TDRD1: variants seen among roughly 807,000 people sequenced by gnomAD.
TDRD1 encodes the protein tudor domain-containing protein 1.
In TDRD1, 37 loss-of-function variants were observed where a neutral mutation model predicts 140.6. The observed-to-expected ratio is 0.26, with a 90% CI of 0.20 to 0.35. The LOEUF (loss-of-function observed/expected upper bound fraction) is 0.35. Among genes scored for constraint, TDRD1 ranks in the 10% least tolerant of loss-of-function variants. TDRD1 has a pLI of 1.00. For synonymous variants in TDRD1, 506 were observed against 475.7 expected (o/e 1.06, Z -0.83); for missense variants, 1,243 against 1,393.0 (o/e 0.89, Z 1.71).
chr10:114,187,796 G>T, intron 1 of TDRD1, 30 bp from the exon 2 acceptor site: 1 of 1,504,216 alleles, frequency 6.6e-7, no homozygotes, highest in East Asian at 2.3e-5. Flanking sequence ...GAAATTAAAA[G>T]TTGTCTCTTA....
intron 2 of TDRD1, among the ~76,000 whole-genome samples, chr10:114,189,083 A>G (rs544877028): frequency 2.7e-4 from 41 of 152,304 alleles, no homozygotes; most frequent in African/African-American, 9.9e-4. Context: ...TAATGGTGCA[A>G]AAGCAAATTA....
At chr10:114,215,320 C>G (rs1206274457) in intron 16 of TDRD1, among the ~76,000 whole-genome samples, 27 of 152,104 alleles carry the variant, frequency 1.8e-4, no homozygotes, top group Non-Finnish European at 1.5e-5. Context: ...GACACTTGGC[C>G]TGTTTTGCTT....
intron 25 of TDRD1, chr10:114,228,485 G>C: frequency 1.9e-6 from 2 of 1,034,024 alleles, no homozygotes; most frequent in Non-Finnish European, 2.3e-6. Flanking sequence ...AATTAACTCA[G>C]AGCTCACTTA....
At chr10:114,194,823 A>G (rs956633834) in intron 3 of TDRD1, among the ~76,000 whole-genome samples, 5 of 149,354 alleles carry the variant, frequency 3.3e-5, no homozygotes, top group Non-Finnish European at 7.4e-5. Flanking sequence ...TAGTGGCACA[A>G]TCATAGCTCA....
intron 18 of TDRD1, among the ~76,000 whole-genome samples, chr10:114,219,211 A>C (rs978434875): frequency 1.3e-5 from 2 of 152,214 alleles, no homozygotes; most frequent in Non-Finnish European, 2.9e-5. Flanking sequence ...TGATAAAGAC[A>C]ATAGACGTCA....
In TDRD1 at chr10:114,199,383, G is replaced by A. The variant is rs1037588599; in HGVS notation, c.529+66G>A. The A allele has an allele frequency of 4.5e-6, 7 of 1,540,244 alleles. No homozygotes were observed. In the East Asian group the frequency reaches 1.6e-4, roughly 36 times the overall value. Reference sequence around the variant, plus strand: ...ATATTTGAAAAACATTTTTATTGTGGCAGATGATGAAACATTAAGTGTAAT... The same window carrying A: ...ATATTTGAAAAACATTTTTATTGTGACAGATGATGAAACATTAAGTGTAAT... On this transcript the variant is annotated intron_variant, in intron 4 of 25. Coordinates refer to ENST00000251864, the Ensembl canonical transcript of TDRD1.
chr10:114,202,543 A>G (rs2034823768), intron 6 of TDRD1, among the ~76,000 whole-genome samples: 2 of 152,200 alleles, frequency 1.3e-5, no homozygotes, highest in Admixed American at 1.3e-4. Context: ...CTGAAGGCAC[A>G]GGTTTTAGCT....
exon 4 of TDRD1, chr10:114,199,215 A>T: frequency 1.9e-6 from 3 of 1,614,052 alleles, no homozygotes; most frequent in Non-Finnish European, 2.5e-6. Flanking sequence ...AAAAAAACTA[A>T]ACAAGTTGGT....
rs1421786392 is a variant in TDRD1, at chr10:114,204,802, G to A, written c.1206G>A (p.Leu402=). Residue 402 remains leucine, a synonymous_variant, in exon 10 of 26, where the codon CTG becomes CTA. Coordinates refer to ENST00000251864, the Ensembl canonical transcript of TDRD1. ...ATTGTATCAAAGCTACTAAACCACT[G>A]TTAATGGAGCAGTACTGCTCCATAA... 2.5e-6 allele frequency: 4 copies of A among 1,607,540 alleles called. No individual in the cohort carries two copies. The South Asian group carries it at 3.4e-5, about 14-fold the overall frequency.
intron 3 of TDRD1, among the ~76,000 whole-genome samples, chr10:114,198,115 C>G (rs554226730): frequency 9.2e-5 from 14 of 152,264 alleles, no homozygotes; most frequent in African/African-American, 3.4e-4. Context: ...GATGGGAGTT[C>G]CAGCTTCACA....
chr10:114,210,828 G>C (rs369814956), intron 12 of TDRD1, 32 bp from the exon 13 acceptor site: 1 of 1,612,256 alleles, frequency 6.2e-7, no homozygotes, highest in African/African-American at 1.3e-5. Context: ...GTATAGATAC[G>C]TATTTCTTTA....
intron 1 of TDRD1, among the ~76,000 whole-genome samples, chr10:114,181,109 T>A (rs1378008812): frequency 6.6e-6 from 1 of 152,204 alleles, no homozygotes; most frequent in African/African-American, 2.4e-5. Context: ...TTTTTGCCTG[T>A]AGAACTATAG....
At chr10:114,216,142 G>A (rs1408105605) in intron 16 of TDRD1, among the ~76,000 whole-genome samples, 3 of 152,192 alleles carry the variant, frequency 2.0e-5, no homozygotes, top group South Asian at 4.1e-4. Flanking sequence ...GCATGTGATC[G>A]TGGCACATTT....
intron 1 of TDRD1, among the ~76,000 whole-genome samples, chr10:114,185,975 C>T (rs1367753561): frequency 6.6e-6 from 1 of 152,088 alleles, no homozygotes; most frequent in African/African-American, 2.4e-5. Context: ...TATATGTGTG[C>T]CTTTTGTGCC....
intron 3 of TDRD1, 74 bp from the exon 4 acceptor site, chr10:114,199,099 G>A: frequency 1.3e-6 from 2 of 1,491,518 alleles, no homozygotes; most frequent in Non-Finnish European, 9.1e-7. Context: ...CTTATCTGAA[G>A]TAGTCCCAAA....
chr10:114,229,018 G>A (rs765090588), intron 25 of TDRD1, among the ~76,000 whole-genome samples: 14 of 152,224 alleles, frequency 9.2e-5, no homozygotes, highest in Admixed American at 2.0e-4. Flanking sequence ...AGGAGGCGGC[G>A]GTTGCAGTGA....
intron 10 of TDRD1, 103 bp downstream of exon 10, chr10:114,204,996 CTG>C: frequency 2.0e-6 from 2 of 1,009,536 alleles, no homozygotes; most frequent in Non-Finnish European, 2.8e-6. Flanking sequence ...AAACTGCCCT[CTG>C]GAGTCATTCA....
chr10:114,178,528 A>G (rs1006576725), upstream of TDRD1, among the ~76,000 whole-genome samples: 4 of 152,238 alleles, frequency 2.6e-5, no homozygotes, highest in African/African-American at 9.6e-5. Context: ...TTTTCTAAAA[A>G]TGCAGTGACT....
chr10:114,197,615 G>T (rs1589673079), intron 3 of TDRD1, among the ~76,000 whole-genome samples: 1 of 146,328 alleles, frequency 6.8e-6, no homozygotes, highest in African/African-American at 2.5e-5. Flanking sequence ...ATGAGTTATT[G>T]TCTACTGAGT....
Sources: allele counts gnomAD v4.1 joint callset (sites outside exome capture counted in the v4.1 genomes callset), GRCh38; gene constraint gnomAD v4.1.1; transcripts MANE v1.5; gene names NCBI Gene and HGNC (gene_info 2026-07-23, HGNC 2026-07-21).